RGS12: variants seen among roughly 807,000 people sequenced by gnomAD.
RGS12 encodes the protein regulator of G-protein signaling 12.
Under a neutral mutation model 120.1 loss-of-function variants are expected in RGS12, and 66 were observed. That is an observed-to-expected ratio of 0.55 (90% CI 0.45 to 0.67). The LOEUF is 0.67. Among genes scored for constraint, RGS12 ranks in the 30% least tolerant of loss-of-function variants. The pLI is 0.00. For missense variants in RGS12, 1,859 were observed against 1,957.7 expected (o/e 0.95, Z 0.95); for synonymous variants, 827 against 804.7 (o/e 1.03, Z -0.47).
intron 1 of RGS12, among the ~76,000 whole-genome samples, chr4:3,308,990 G>A (rs919960864): frequency 3.3e-5 from 5 of 152,132 alleles, no homozygotes; most frequent in Non-Finnish European, 5.9e-5. Context: ...GCAGGTGTCC[G>A]CTGAGGGGAA....
At chr4:3,322,525 G>A (rs1044568080) in intron 2 of RGS12, among the ~76,000 whole-genome samples, 2 of 152,054 alleles carry the variant, frequency 1.3e-5, no homozygotes, top group African/African-American at 4.8e-5. Context: ...ATTGCCTTGT[G>A]TTTCATTTAA....
intron 1 of RGS12, among the ~76,000 whole-genome samples, chr4:3,306,053 T>C (rs1342926775): frequency 6.6e-6 from 1 of 152,238 alleles, no homozygotes; most frequent in African/African-American, 2.4e-5. Flanking sequence ...GGCATCCCTC[T>C]GAGATGAGCC....
chr4:3,293,695 C>T (rs947129395), intron 1 of RGS12, among the ~76,000 whole-genome samples: 2 of 151,030 alleles, frequency 1.3e-5, no homozygotes, highest in Non-Finnish European at 3.0e-5. Flanking sequence ...AGAGAGGGGA[C>T]CCAGAGCTGT....
intron 2 of RGS12, among the ~76,000 whole-genome samples, chr4:3,333,921 A>G (rs1433372605): frequency 6.6e-6 from 1 of 152,210 alleles, no homozygotes; most frequent in African/African-American, 2.4e-5. Flanking sequence ...TGAAAATAGT[A>G]TCTCTCTTCT....
intron 3 of RGS12, among the ~76,000 whole-genome samples, chr4:3,376,829 C>A (rs1717750504): frequency 6.6e-6 from 1 of 152,198 alleles, no homozygotes; most frequent in Admixed American, 6.5e-5. Context: ...TCACTCTGTG[C>A]TGCACTCAGC....
chr4:3,296,432 C>T (rs201294216), intron 1 of RGS12, among the ~76,000 whole-genome samples: 2 of 152,116 alleles, frequency 1.3e-5, no homozygotes, highest in East Asian at 3.9e-4. Flanking sequence ...TCAAGTGATC[C>T]TCCTGCCTTA....
intron 2 of RGS12, among the ~76,000 whole-genome samples, chr4:3,334,219 T>C (rs1712197653): frequency 6.6e-6 from 1 of 152,240 alleles, no homozygotes; most frequent in Non-Finnish European, 1.5e-5. Flanking sequence ...TTCACTTCGT[T>C]ACTACTTGTT....
intron 3 of RGS12, among the ~76,000 whole-genome samples, chr4:3,377,653 C>T (rs3129330): frequency 0.24 from 36,078 of 151,980 alleles, 4,791 homozygotes; most frequent in South Asian, 0.35. Flanking sequence ...GGTTAGATTC[C>T]TCATGTGACA....
rs1184576103 is a variant in RGS12, at chr4:3,425,619, G to A, written c.3331+59G>A. The A allele has an allele frequency of 1.3e-5, 18 of 1,373,946 alleles. No homozygotes were observed. In the East Asian group the frequency reaches 2.4e-4, roughly 18 times the overall value. The allele number at this position is 1,373,946 out of a possible 1,614,324, so 85.1% of individuals were successfully genotyped here. A position where few individuals can be genotyped will look rare whatever the true frequency, so the allele number is the denominator to read the frequency against. ...GTGAGTGGGTCCAGTGCAGGGGAGG[G>A]GGCTATGGAGCCGGTGCAGGGGAGG... On this transcript the variant is annotated intron_variant, in intron 14 of 17. Coordinates refer to ENST00000336727, the MANE Select transcript of RGS12 (RefSeq NM_001394154.1).
intron 1 of RGS12, among the ~76,000 whole-genome samples, chr4:3,308,775 C>A (rs981579429): frequency 3.3e-5 from 5 of 152,236 alleles, no homozygotes; most frequent in African/African-American, 1.2e-4. Flanking sequence ...GCCTTTAGCT[C>A]TGGGAAGCGG....
intron 2 of RGS12, among the ~76,000 whole-genome samples, chr4:3,318,899 G>C (rs1724992482): frequency 6.6e-6 from 1 of 152,196 alleles, no homozygotes; most frequent in Non-Finnish European, 1.5e-5. Context: ...AGGTGATGGG[G>C]GTGGGCACTT....
chr4:3,439,401 C>T (rs752593480), intron 17 of RGS12, 54 bp from the exon 18 acceptor site: 23 of 1,590,840 alleles, frequency 1.4e-5, no homozygotes, highest in African/African-American at 5.4e-5. Context: ...GGGTGGGTTC[C>T]GGGGGCCCAG....
chr4:3,427,815 G>A (rs1304231948), intron 14 of RGS12, among the ~76,000 whole-genome samples: 1 of 152,204 alleles, frequency 6.6e-6, no homozygotes, highest in Non-Finnish European at 1.5e-5. Flanking sequence ...GAATATTTAT[G>A]CCAAATAGTA....
intron 1 of RGS12, chr4:3,314,889 G>A (rs1724636788): frequency 6.6e-6 from 1 of 152,232 alleles, no homozygotes; most frequent in South Asian, 2.1e-4. Flanking sequence ...TGTCAGGACG[G>A]TGCCCACCAC....
intron 1 of RGS12, among the ~76,000 whole-genome samples, chr4:3,298,969 A>G (rs751976193): frequency 1.3e-5 from 2 of 152,086 alleles, no homozygotes; most frequent in East Asian, 3.8e-4. Context: ...ATCAATTTCT[A>G]TTGGCTTCTT....
chr4:3,292,877 CGCCCCGCCCCGT>C (rs1185828242), upstream of RGS12, among the ~76,000 whole-genome samples: 146 of 151,552 alleles, frequency 9.6e-4, no homozygotes, highest in African/African-American at 3.3e-3. Flanking sequence ...CGAAGGCCCT[CGCCCCGCCCCGT>C]GCCCCGCCCC....
intron 1 of RGS12, among the ~76,000 whole-genome samples, chr4:3,306,208 C>A (rs1342041824): frequency 6.6e-6 from 1 of 152,250 alleles, no homozygotes; most frequent in Non-Finnish European, 1.5e-5. Context: ...CACACAGCAC[C>A]ATTGTCTTGA....
At chr4:3,409,076 G>A (rs995671697) in intron 4 of RGS12, among the ~76,000 whole-genome samples, 1 of 152,248 alleles carries the variant, frequency 6.6e-6, no homozygotes, top group Non-Finnish European at 1.5e-5. Flanking sequence ...GGGTCCTGGA[G>A]CCTGGGCAGG....
At chr4:3,414,940 A>ATGTGTG (rs1722184639) in intron 6 of RGS12, 96 bp downstream of exon 6, 1 of 713,890 alleles carries the variant, frequency 1.4e-6, no homozygotes, top group African/African-American at 2.2e-5. Flanking sequence ...TGTGAGGGGC[A>ATGTGTG]TGTGAGGGGT....
Sources: allele counts gnomAD v4.1 joint callset (sites outside exome capture counted in the v4.1 genomes callset), GRCh38; gene constraint gnomAD v4.1.1; transcripts MANE v1.5; gene names NCBI Gene and HGNC (gene_info 2026-07-23, HGNC 2026-07-21).